RGP1: variants seen among roughly 807,000 people sequenced by gnomAD.
RGP1 encodes the protein RGP1 partner of RAB6A GEF complex.
RGP1 carries 28 observed loss-of-function variants against 44.5 expected under a neutral mutation model. That is an observed-to-expected ratio of 0.63 (90% CI 0.47 to 0.86). RGP1 has a LOEUF of 0.86. RGP1 is among the 40% of genes least tolerant of loss of function. The probability of loss-of-function intolerance (pLI) is 0.00; values close to 1 mark genes in which losing one functional copy is unlikely to be tolerated. For synonymous variants in RGP1, 212 were observed against 196.7 expected, an observed-to-expected ratio of 1.08 and a Z score of -0.65; for missense variants, 417 against 490.7, an observed-to-expected ratio of 0.85 and a Z score of 1.42.
chr9:35,771,584 T>G, the RGP1 span, among the ~76,000 whole-genome samples: 1 of 152,112 alleles, frequency 6.6e-6, no homozygotes, highest in Non-Finnish European at 1.5e-5. Context: ...ATACCCTGGG[T>G]TTAAGTGGTG....
the RGP1 span, among the ~76,000 whole-genome samples, chr9:35,789,762 T>TCTA: frequency 6.6e-6 from 1 of 152,186 alleles, no homozygotes; most frequent in East Asian, 1.9e-4. Flanking sequence ...AGCACAGCTT[T>TCTA]CTACAGTAAG....
In RGP1 at chr9:35,753,855, C is replaced by T. The variant is rs373541409; in HGVS notation, c.*981C>T. ...TGGTCTGGGGTGGAGACAGTAAGTA[C>T]GCACTATCCCCGTATTTAGTTTGTC... On this transcript the variant is annotated 3_prime_UTR_variant, in exon 9 of 9. Coordinates refer to ENST00000378078, the MANE Select transcript of RGP1 (RefSeq NM_001080496.3). This position sits in a 1 kb window ranked among gnomAD's most constrained non-coding sequence, Gnocchi z 4.2. The T allele has an allele frequency of 1.2e-4, 188 of 1,516,256 alleles. 1 individual carries two copies. In the African/African-American group the frequency reaches 1.9e-3, roughly 16 times the overall value. 93.9% of individuals were successfully genotyped at this position (1,516,256 alleles called of 1,614,324 possible). A position where few individuals can be genotyped will look rare whatever the true frequency, so the allele number is the denominator to read the frequency against.
chr9:35,769,324 G>A, the RGP1 span, among the ~76,000 whole-genome samples: 166 of 152,316 alleles, frequency 1.1e-3, no homozygotes, highest in African/African-American at 3.3e-3. Context: ...GCATCCACCT[G>A]TTATCTCTCC....
chr9:35,751,162 G>C, intron 5 of RGP1, 104 bp from the exon 6 acceptor site: 3 of 1,485,140 alleles, frequency 2.0e-6, no homozygotes, highest in Non-Finnish European at 2.8e-6. Context: ...CTCAGCCCTG[G>C]CACCCCTTAC....
intron 5 of RGP1, 29 bp downstream of exon 5, chr9:35,751,018 T>A: frequency 6.2e-7 from 1 of 1,611,184 alleles, no homozygotes; most frequent in Non-Finnish European, 8.5e-7. Flanking sequence ...AGGGAAGGGC[T>A]GGGGAAGGGC....
downstream of RGP1, among the ~76,000 whole-genome samples, chr9:35,761,232 T>G (rs796532474): frequency 2.0e-5 from 3 of 152,368 alleles, no homozygotes; most frequent in African/African-American, 7.2e-5. Flanking sequence ...TCTTTATTTA[T>G]TATGTTATTT....
At chr9:35,751,186 AT>A in intron 5 of RGP1, 79 bp from the exon 6 acceptor site, 1 of 1,549,360 alleles carries the variant, frequency 6.5e-7, no homozygotes, top group South Asian at 1.2e-5. Flanking sequence ...TAGCCATCTC[AT>A]GTTAGAATCT....
chr9:35,772,722 C>T, the RGP1 span, among the ~76,000 whole-genome samples: 8 of 147,974 alleles, frequency 5.4e-5, no homozygotes, highest in East Asian at 8.1e-4. Flanking sequence ...ACCTGGGAGG[C>T]GGAGCTTGCA....
At chr9:35,789,086 C>T in the RGP1 span, among the ~76,000 whole-genome samples, 2 of 151,716 alleles carry the variant, frequency 1.3e-5, no homozygotes, top group East Asian at 3.9e-4. Context: ...GGCGCGATCT[C>T]TGCTCACTGC....
At chr9:35,751,124 G>A in intron 5 of RGP1, 135 bp downstream of exon 5, 1 of 1,434,446 alleles carries the variant, frequency 7.0e-7, no homozygotes, top group Non-Finnish European at 9.6e-7. Flanking sequence ...GGGAAGGGAG[G>A]GAGGGTTCTG....
chr9:35,766,558 C>A, the RGP1 span, among the ~76,000 whole-genome samples: 2 of 152,120 alleles, frequency 1.3e-5, no homozygotes, highest in Admixed American at 6.5e-5. Context: ...TTCCCTTACA[C>A]CAGGTCACAA....
the RGP1 span, among the ~76,000 whole-genome samples, chr9:35,787,233 G>T: frequency 6.0e-5 from 9 of 150,026 alleles, no homozygotes; most frequent in South Asian, 1.9e-3. Flanking sequence ...GCCCACCGCT[G>T]CCCCCTTTTT....
rs757731792 is a variant in RGP1, at chr9:35,755,043, G to C, written c.*2169G>C. The stretch of plus-strand genomic sequence containing the variant: ...TGAGGTTTTTAGGAATTTATCATTT[G>C]GCATCCTCTGAGTTTCCCACAGGTT... On this transcript the variant is annotated 3_prime_UTR_variant, in exon 9 of 9. Coordinates refer to ENST00000378078, the MANE Select transcript of RGP1 (RefSeq NM_001080496.3). The C allele has an allele frequency of 1.3e-5, 2 of 152,148 alleles. No homozygotes were observed. Among genetic ancestry groups the C allele is most frequent in the Non-Finnish European group, 2.9e-5 (2 of 68,052 alleles). 9.4% of individuals were successfully genotyped at this position (152,148 alleles called of 1,614,324 possible). A position where few individuals can be genotyped will look rare whatever the true frequency, so the allele number is the denominator to read the frequency against.
chr9:35,777,816 T>C, the RGP1 span, among the ~76,000 whole-genome samples: 1 of 152,228 alleles, frequency 6.6e-6, no homozygotes, highest in Non-Finnish European at 1.5e-5. Flanking sequence ...GGATTCACCA[T>C]GTGTGTTTAT....
chr9:35,774,887 G>T, the RGP1 span, among the ~76,000 whole-genome samples: 1 of 151,270 alleles, frequency 6.6e-6, no homozygotes, highest in Non-Finnish European at 1.5e-5. Context: ...CCAAATTTTG[G>T]TGGGGGGGGC....
chr9:35,762,982 G>A (rs1827433114), downstream of RGP1, among the ~76,000 whole-genome samples: 1 of 152,166 alleles, frequency 6.6e-6, no homozygotes, highest in South Asian at 2.1e-4. Context: ...TTCAGAGCTG[G>A]GATTCAAATC....
rs759905567 is a variant in RGP1, at chr9:35,749,780, A to C, written c.25A>C (p.Ser9Arg). MIEVVAELSRGPVFLAGEA... is the reference protein window; with the variant it reads MIEVVAELRRGPVFLAGEA... The stretch of plus-strand genomic sequence containing the variant: ...CATGATTGAAGTGGTAGCAGAGCTC[A>C]GCCGGGGTCCTGTATTTTTGGCTGG... The change falls in exon 2 of 9, where the codon AGC (serine) becomes CGC (arginine). Residue 9 changes from serine to arginine, a missense_variant. Coordinates refer to ENST00000378078, the MANE Select transcript of RGP1 (RefSeq NM_001080496.3). The surrounding 1 kb of genome is among the most constrained non-coding windows in gnomAD (Gnocchi z 4.4). 3 of 1,613,684 alleles carry C rather than the reference A, an allele frequency of 1.9e-6. No homozygotes were observed. In the East Asian group the frequency reaches 6.7e-5, roughly 36 times the overall value.
the RGP1 span, among the ~76,000 whole-genome samples, chr9:35,781,014 C>A: frequency 2.6e-5 from 4 of 152,010 alleles, no homozygotes; most frequent in Admixed American, 2.0e-4. Context: ...AGATTAAGGA[C>A]GATAAAATTC....
the RGP1 span, among the ~76,000 whole-genome samples, chr9:35,778,433 ATAAT>A: frequency 6.6e-6 from 1 of 152,280 alleles, no homozygotes; most frequent in South Asian, 2.1e-4. Context: ...GTTTTAAAGC[ATAAT>A]TAAATTTCTG....
Sources: allele counts gnomAD v4.1 joint callset (sites outside exome capture counted in the v4.1 genomes callset), GRCh38; gene constraint gnomAD v4.1.1; non-coding constraint Gnocchi (gnomAD v3.1); transcripts MANE v1.5; gene names NCBI Gene and HGNC (gene_info 2026-07-23, HGNC 2026-07-21).